KIF26B: variants seen among roughly 807,000 people sequenced by gnomAD.
The protein encoded by KIF26B is kinesin-like protein KIF26B.
In KIF26B, 63 loss-of-function variants were observed where a neutral mutation model predicts 151.2. The observed-to-expected ratio is 0.42, with a 90% CI of 0.34 to 0.51. The LOEUF (loss-of-function observed/expected upper bound fraction) is 0.51. KIF26B is among the 20% of genes least tolerant of loss of function. The probability of loss-of-function intolerance (pLI) is 0.07; values close to 1 mark genes in which losing one functional copy is unlikely to be tolerated. For synonymous variants in KIF26B, 1,357 were observed against 1,262.1 expected (o/e 1.08, Z -1.59); for missense variants, 2,813 against 2,913.6 (o/e 0.97, Z 0.79).
At chr1:245,534,955 G>A (rs1661456769) in intron 4 of KIF26B, among the ~76,000 whole-genome samples, 1 of 151,918 alleles carries the variant, frequency 6.6e-6, no homozygotes, top group Non-Finnish European at 1.5e-5. Context: ...ACTAGTTTTT[G>A]GATTTTAGCT....
chr1:245,296,187 C>T (rs201537937), intron 2 of KIF26B, among the ~76,000 whole-genome samples: 222 of 118,098 alleles, frequency 1.9e-3, no homozygotes, highest in African/African-American at 5.9e-3. Flanking sequence ...TTTTTTTTTT[C>T]TTATGGGCTA....
chr1:245,459,070 T>A (rs1262262033), intron 4 of KIF26B, among the ~76,000 whole-genome samples: 1 of 152,162 alleles, frequency 6.6e-6, no homozygotes, highest in Non-Finnish European at 1.5e-5. Flanking sequence ...CAGACTTACT[T>A]CCCCTTGCCT....
At chr1:245,535,063 G>A (rs908004396) in intron 4 of KIF26B, among the ~76,000 whole-genome samples, 3 of 152,080 alleles carry the variant, frequency 2.0e-5, no homozygotes, top group Non-Finnish European at 2.9e-5. Context: ...GATTACAGGC[G>A]TGAGCCACTG....
At chr1:245,343,223 G>A (rs1558395807) in intron 2 of KIF26B, among the ~76,000 whole-genome samples, 1 of 152,172 alleles carries the variant, frequency 6.6e-6, no homozygotes, top group Non-Finnish European at 1.5e-5. Flanking sequence ...TCTGTGGAGT[G>A]TATTAGTTAT....
intron 2 of KIF26B, among the ~76,000 whole-genome samples, chr1:245,177,360 A>G (rs1668827411): frequency 6.6e-6 from 1 of 152,034 alleles, no homozygotes. Flanking sequence ...ATTTTTTTAC[A>G]TTCTATATTG....
At chr1:245,466,867 C>T (rs953866377) in intron 4 of KIF26B, among the ~76,000 whole-genome samples, 8 of 152,126 alleles carry the variant, frequency 5.3e-5, no homozygotes, top group East Asian at 1.9e-4. Context: ...CAGAGGTTGC[C>T]GTGAGCTGAG....
At chr1:245,368,999 A>G (rs907985931) in intron 3 of KIF26B, among the ~76,000 whole-genome samples, 2 of 152,162 alleles carry the variant, frequency 1.3e-5, no homozygotes, top group Non-Finnish European at 1.5e-5. Flanking sequence ...TTAGCCAAGT[A>G]TGGTGGCATG....
In KIF26B at chr1:245,447,988, G is replaced by A. The variant is rs539287262; in HGVS notation, c.1166+28243G>A. Reference sequence around the variant, plus strand: ...TTTTCTGCTACCCTACCACCAGCTCGCCCTTGAAGTTTTACTGGGTGAAGC... The same window carrying A: ...TTTTCTGCTACCCTACCACCAGCTCACCCTTGAAGTTTTACTGGGTGAAGC... On this transcript the variant is annotated intron_variant, in intron 4 of 14. Coordinates refer to ENST00000407071, the MANE Select transcript of KIF26B (RefSeq NM_018012.4). Among the ~76,000 whole-genome samples the A allele has an allele frequency of 6.0e-4, 91 of 152,276 alleles. 1 individual carries two copies. Among genetic ancestry groups the A allele is most frequent in the African/African-American group, 2.0e-3 (82 of 41,552 alleles).
intron 4 of KIF26B, among the ~76,000 whole-genome samples, chr1:245,468,496 C>T (rs535817097): frequency 1.7e-3 from 253 of 152,322 alleles, no homozygotes; most frequent in African/African-American, 5.8e-3. Context: ...TAGCATTTCA[C>T]TCTTCCAAGA....
intron 2 of KIF26B, among the ~76,000 whole-genome samples, chr1:245,205,591 G>A (rs1297506859): frequency 6.6e-6 from 1 of 152,162 alleles, no homozygotes; most frequent in Non-Finnish European, 1.5e-5. Context: ...TGGCTGGTAT[G>A]CTAGCAACCA....
intron 2 of KIF26B, among the ~76,000 whole-genome samples, chr1:245,331,494 G>A (rs868795398): frequency 3.3e-5 from 5 of 152,124 alleles, no homozygotes; most frequent in Non-Finnish European, 7.4e-5. Context: ...CCAGAACATC[G>A]CGTCCACCCT....
At chr1:245,414,155 C>A (rs1251386783) in intron 3 of KIF26B, among the ~76,000 whole-genome samples, 1 of 152,202 alleles carries the variant, frequency 6.6e-6, no homozygotes, top group South Asian at 2.1e-4. Flanking sequence ...GTGGAGTTAG[C>A]GTAGCCAAGG....
At chr1:245,184,050 G>GTTTTTTTTTTTTTTTTTTTTTTTTT (rs758993117) in intron 2 of KIF26B, among the ~76,000 whole-genome samples, 287 of 19,786 alleles carry the variant, frequency 0.015, 103 homozygotes, top group East Asian at 0.043. Context: ...GGGAGTTGTT[G>GTTTTTTTTTTTTTTTTTTTTTTTTT]TTTTTTTTTT....
chr1:245,336,483 GGAGGGATGCTGT>G (rs775730557), intron 2 of KIF26B, among the ~76,000 whole-genome samples: 8 of 152,214 alleles, frequency 5.3e-5, no homozygotes, highest in Non-Finnish European at 8.8e-5. Flanking sequence ...TCTGCTCTGG[GGAGGGATGCTGT>G]TTTGCCTTTC....
intron 4 of KIF26B, among the ~76,000 whole-genome samples, chr1:245,528,706 G>A (rs1439350202): frequency 2.0e-5 from 3 of 152,216 alleles, no homozygotes; most frequent in Admixed American, 6.5e-5. Flanking sequence ...TTGGGAATAA[G>A]TTTTGGGTTA....
At chr1:245,343,407 T>A (rs1360692924) in intron 2 of KIF26B, among the ~76,000 whole-genome samples, 1 of 152,132 alleles carries the variant, frequency 6.6e-6, no homozygotes, top group East Asian at 1.9e-4. Flanking sequence ...ATGAGGAATA[T>A]CTCCATTCTG....
At chr1:245,355,809 T>C (rs925161598) in intron 2 of KIF26B, among the ~76,000 whole-genome samples, 1 of 152,150 alleles carries the variant, frequency 6.6e-6, no homozygotes, top group African/African-American at 2.4e-5. Context: ...GGAGTTGCAA[T>C]TCACTGGGTG....
chr1:245,686,863 T>G lies in KIF26B; in HGVS notation c.3880T>G (p.Ser1294Ala), dbSNP rs1428567317. The change falls in exon 12 of 15, where the codon TCG (serine) becomes GCG (alanine). Residue 1294 changes from serine (S) to alanine (A), a missense_variant. By Grantham distance (99) the Ser-to-Ala change is moderately conservative (BLOSUM62 1). This residue lies in a region of KIF26B where 2,060 missense variants were observed against 2,088.6 expected (regional missense o/e 0.99). Transcript: ENST00000407071. This position sits in a 1 kb window ranked among gnomAD's most constrained non-coding sequence, Gnocchi z 5.6. ...GAGCGCGGGCAGTGAGGGTGAGCAG[T>G]CGTGCCACAGTTTCATAGCCCAGAC... ...EMSAGSEGEQ[S>A]CHSFIAQTCF... 1.2e-6 allele frequency: 2 copies of G among 1,613,570 alleles called. No homozygotes were observed. The highest frequency in any genetic ancestry group is 4.5e-5 in the East Asian group (2 of 44,864).
intron 2 of KIF26B, among the ~76,000 whole-genome samples, chr1:245,236,225 A>G (rs955732465): frequency 6.6e-6 from 1 of 152,076 alleles, no homozygotes; most frequent in African/African-American, 2.4e-5. Flanking sequence ...AGCCTCTGGC[A>G]TCACTTATGT....
Sources: allele counts gnomAD v4.1 joint callset (sites outside exome capture counted in the v4.1 genomes callset), GRCh38; gene constraint gnomAD v4.1.1; regional missense constraint gnomAD v4.1.1; non-coding constraint Gnocchi (gnomAD v3.1); transcripts MANE v1.5; gene names NCBI Gene and HGNC (gene_info 2026-07-23, HGNC 2026-07-21).